The following CHN2 variants were observed in gnomAD, a reference collection of about 807,000 sequenced individuals.
The protein encoded by CHN2 is beta-chimaerin.
A neutral mutation model predicts 56.3 loss-of-function variants in CHN2; 35 were observed. The ratio of observed to expected loss-of-function variants is 0.62; its 90% CI spans 0.47 to 0.82. The LOEUF (loss-of-function observed/expected upper bound fraction) is 0.82. CHN2 is among the 40% of genes least tolerant of loss of function. CHN2 has a pLI of 0.00. For synonymous variants in CHN2, 210 were observed against 212.8 expected, an observed-to-expected ratio of 0.99 and a Z score of 0.12; for missense variants, 491 against 580.5, an observed-to-expected ratio of 0.85 and a Z score of 1.58.
intron 6 of CHN2, among the ~76,000 whole-genome samples, chr7:29,405,627 T>G (rs1420264103): frequency 6.6e-6 from 1 of 152,186 alleles, no homozygotes; most frequent in African/African-American, 2.4e-5. Context: ...GTTTCTACTT[T>G]CTTCCTGCAA....
chr7:29,316,649 G>C (rs1328251694), intron 1 of CHN2, among the ~76,000 whole-genome samples: 1 of 152,118 alleles, frequency 6.6e-6, no homozygotes, highest in African/African-American at 2.4e-5. Flanking sequence ...TTTTCAGGTA[G>C]AGTTGAATGT....
intron 7 of CHN2, among the ~76,000 whole-genome samples, chr7:29,494,163 A>G (rs961984451): frequency 2.6e-5 from 4 of 152,036 alleles, no homozygotes; most frequent in African/African-American, 9.7e-5. Context: ...CTCTTCTTTT[A>G]CATCTGGTCA....
intron 6 of CHN2, among the ~76,000 whole-genome samples, chr7:29,464,944 C>G (rs1785442258): frequency 6.6e-6 from 1 of 152,170 alleles, no homozygotes; most frequent in African/African-American, 2.4e-5. Flanking sequence ...CCAGATGGAG[C>G]CCAGGATCAA....
intron 6 of CHN2, among the ~76,000 whole-genome samples, chr7:29,469,143 T>C (rs1313271950): frequency 6.6e-6 from 1 of 152,206 alleles, no homozygotes; most frequent in Non-Finnish European, 1.5e-5. Flanking sequence ...ATTCTTTCTT[T>C]CATGTGCACT....
chr7:29,435,015 C>G (rs1175617177), intron 6 of CHN2, among the ~76,000 whole-genome samples: 2 of 151,986 alleles, frequency 1.3e-5, no homozygotes, highest in Non-Finnish European at 2.9e-5. Context: ...TAGCTTAAGC[C>G]CGGAAAGTCA....
chr7:29,505,456 A>G (rs1181467488), intron 10 of CHN2, among the ~76,000 whole-genome samples: 1 of 152,224 alleles, frequency 6.6e-6, no homozygotes, highest in East Asian at 1.9e-4. Flanking sequence ...ATGTGAAATC[A>G]GTGAGGTAGC....
At chr7:29,233,477 G>A (rs1477615922) in intron 1 of CHN2, among the ~76,000 whole-genome samples, 2 of 152,134 alleles carry the variant, frequency 1.3e-5, no homozygotes, top group Admixed American at 6.5e-5. Context: ...CCAAGATGTC[G>A]ACTTCCACTT....
At chr7:29,248,959 T>C (rs1788283045) in intron 1 of CHN2, among the ~76,000 whole-genome samples, 1 of 152,214 alleles carries the variant, frequency 6.6e-6, no homozygotes, top group Non-Finnish European at 1.5e-5. Flanking sequence ...AGTTGTTACT[T>C]CCTCTTGAGG....
chr7:29,455,801 C>A (rs898287848), intron 6 of CHN2, among the ~76,000 whole-genome samples: 7 of 152,172 alleles, frequency 4.6e-5, no homozygotes, highest in Non-Finnish European at 8.8e-5. Flanking sequence ...TTACCCCCAG[C>A]CCGCGTGGGA....
At chr7:29,319,780 A>G (rs1446011467) in intron 1 of CHN2, among the ~76,000 whole-genome samples, 2 of 152,080 alleles carry the variant, frequency 1.3e-5, no homozygotes, top group African/African-American at 4.8e-5. Context: ...ATTTTCTTAC[A>G]GGGCCGTGGC....
intron 6 of CHN2, among the ~76,000 whole-genome samples, chr7:29,457,511 ATGTT>A (rs1784854693): frequency 6.6e-6 from 1 of 152,120 alleles, no homozygotes; most frequent in Admixed American, 6.5e-5. Context: ...ATAACAAAGT[ATGTT>A]TGTTTCCCAG....
At chr7:29,357,709 G>C (rs747690322) in intron 2 of CHN2, among the ~76,000 whole-genome samples, 2 of 152,138 alleles carry the variant, frequency 1.3e-5, no homozygotes, top group Admixed American at 6.5e-5. Context: ...ATTTGCATGT[G>C]GGTCTTGAAG....
At chr7:29,458,377 GCACACACACACACACACACACA>G (rs58364010) in intron 6 of CHN2, among the ~76,000 whole-genome samples, 5 of 136,016 alleles carry the variant, frequency 3.7e-5, no homozygotes, top group South Asian at 5.0e-4. Context: ...GCATAGCTGT[GCACACACACACACACACACACA>G]CACACACACA....
intron 1 of CHN2, among the ~76,000 whole-genome samples, chr7:29,294,557 C>G (rs1182926169): frequency 1.3e-5 from 2 of 152,108 alleles, no homozygotes; most frequent in Admixed American, 6.5e-5. Context: ...CGTTGAAAGA[C>G]AAGGACAGAA....
intron 1 of CHN2, chr7:29,195,269 A>T (rs1050260775): frequency 3.0e-4 from 121 of 397,698 alleles, no homozygotes; most frequent in Admixed American, 6.2e-4. Flanking sequence ...GCGAAAAGCG[A>T]AAGGAGCGGG....
At chr7:29,302,606 A>G (rs773713769) in intron 1 of CHN2, among the ~76,000 whole-genome samples, 2 of 149,164 alleles carry the variant, frequency 1.3e-5, no homozygotes, top group Admixed American at 6.8e-5. Flanking sequence ...GGGATTACAG[A>G]TGTAAGCCAC....
In CHN2 at chr7:29,152,338, C is replaced by G. The variant is rs574832127; in HGVS notation, c.274+5378C>G. On this transcript the variant is annotated intron_variant, in intron 2 of 6. Coordinates refer to the CHN2 transcript ENST00000439384. ...GGATTCCCCCTTGATTCTGAGACAGCTACACCTAGGAGCACCAAGCAGTGA... is the reference window on the plus strand; with the variant it reads ...GGATTCCCCCTTGATTCTGAGACAGGTACACCTAGGAGCACCAAGCAGTGA... Among the ~76,000 whole-genome samples the G allele has an allele frequency of 1.4e-4, 22 of 152,292 alleles. No homozygotes were observed. In the East Asian group the frequency reaches 4.2e-3, roughly 29 times the overall value.
At chr7:29,281,247 G>A (rs1395454896) in intron 1 of CHN2, among the ~76,000 whole-genome samples, 1 of 151,428 alleles carries the variant, frequency 6.6e-6, no homozygotes, top group African/African-American at 2.4e-5. Flanking sequence ...AGCACTGTGT[G>A]TGCACATATT....
At chr7:29,188,942 T>G (rs1276163247) in intron 2 of CHN2, among the ~76,000 whole-genome samples, 1 of 145,438 alleles carries the variant, frequency 6.9e-6, no homozygotes, top group Non-Finnish European at 1.5e-5. Flanking sequence ...ATAGTTTTCC[T>G]CATACCTTTT....
Sources: gnomAD v4.1 joint callset for allele counts (sites outside exome capture counted in the v4.1 genomes callset) on GRCh38, gnomAD v4.1.1 for gene constraint, MANE v1.5 for transcripts, NCBI Gene and HGNC (gene_info 2026-07-23, HGNC 2026-07-21) for gene names.